IL4R: variants seen among roughly 807,000 people sequenced by gnomAD.
IL4R encodes interleukin 4 receptor, also known as interleukin-4 receptor subunit alpha.
Under a neutral mutation model 41.5 loss-of-function variants are expected in IL4R, and 17 were observed. The observed-to-expected ratio is 0.41, with a 90% CI of 0.28 to 0.61. The LOEUF is 0.61. Ranked by LOEUF, IL4R falls within the 20% of genes least tolerant of loss-of-function variation. The pLI is 0.31. For missense variants in IL4R, 974 were observed against 1,043.1 expected (o/e 0.93, Z 0.91); for synonymous variants, 402 against 422.9 (o/e 0.95, Z 0.61).
At chr16:27,313,808 G>C (rs2084538969), upstream of IL4R, 4 of 626,198 alleles carry the variant, frequency 6.4e-6, no homozygotes, top group Admixed American at 6.3e-5. Context: ...GACAGCGACA[G>C]GGGCGCGAGG....
chr16:27,358,931 G>C lies in IL4R; in HGVS notation c.786G>C (p.Trp262Cys), dbSNP rs922535624. The change falls in exon 9 of 11, where the codon TGG becomes TGC. Residue 262 changes from tryptophan to cysteine, a missense_variant. This residue lies in a region of IL4R where 8 missense variants were observed against 25.4 expected (regional missense o/e 0.32). Coordinates refer to ENST00000395762, the MANE Select transcript of IL4R (RefSeq NM_000418.4). ...TGTTTTTCAGGATTAAGAAAGAATG[G>C]TGGGATCAGATTCCCAACCCAGCCC... ...YVSITKIKKEWWDQIPNPARS... is the reference protein window; with the variant it reads ...YVSITKIKKECWDQIPNPARS... 5.6e-6 allele frequency: 9 copies of C among 1,613,606 alleles called. No individual in the cohort carries two copies. The highest frequency in any genetic ancestry group is 7.6e-6 in the Non-Finnish European group (9 of 1,179,618).
At chr16:27,313,818 G>C (rs2084539421), upstream of IL4R, 3 of 720,920 alleles carry the variant, frequency 4.2e-6, no homozygotes, top group South Asian at 1.8e-4. Flanking sequence ...GGGGCGCGAG[G>C]TGGCCGGGAC....
At chr16:27,314,271 A>G (rs2084560471) in intron 1 of IL4R, 2 of 300,194 alleles carry the variant, frequency 6.7e-6, no homozygotes, top group Non-Finnish European at 9.8e-6. Flanking sequence ...CGGTGCTGGC[A>G]GTGAGACCTC....
chr16:27,350,523 C>T (rs1426992736), intron 6 of IL4R, among the ~76,000 whole-genome samples: 1 of 151,954 alleles, frequency 6.6e-6, no homozygotes, highest in Non-Finnish European at 1.5e-5. Context: ...CAACCACAAG[C>T]AGAAATGGAG....
intron 5 of IL4R, 146 bp from the exon 6 acceptor site, chr16:27,346,321 G>T (rs777505049): frequency 1.5e-6 from 1 of 646,822 alleles, no homozygotes. Context: ...CTATGGCTCT[G>T]AATCTGTGTG....
chr16:27,316,375 AAAC>A (rs1159971714), intron 1 of IL4R, among the ~76,000 whole-genome samples: 1 of 152,100 alleles, frequency 6.6e-6, no homozygotes. Context: ...GTCTCAAAAT[AAAC>A]AAATACATAA....
intron 2 of IL4R, among the ~76,000 whole-genome samples, chr16:27,337,543 C>A (rs963677012): frequency 6.6e-6 from 1 of 151,912 alleles, no homozygotes; most frequent in African/African-American, 2.4e-5. Context: ...GGGAATATAA[C>A]CCAGCGCGTG....
At chr16:27,314,836 C>G (rs935741131) in intron 1 of IL4R, among the ~76,000 whole-genome samples, 1 of 152,186 alleles carries the variant, frequency 6.6e-6, no homozygotes, top group Non-Finnish European at 1.5e-5. Flanking sequence ...ACCCAGGAAT[C>G]TGATCTTTAT....
At chr16:27,349,296 C>G (rs973247703) in intron 6 of IL4R, among the ~76,000 whole-genome samples, 1 of 152,202 alleles carries the variant, frequency 6.6e-6, no homozygotes, top group Non-Finnish European at 1.5e-5. Flanking sequence ...CCTGCATCTG[C>G]CACAGCACTA....
In IL4R at chr16:27,362,528, G is replaced by T. The variant is rs766265918; in HGVS notation, c.1176G>T (p.Arg392Ser). Residue 392 changes from arginine to serine, a missense_variant, in exon 11 of 11, where the codon AGG becomes AGT. Around this residue, in one of 3 missense-constraint regions of IL4R, gnomAD observed 682 missense variants for 704.3 expected, o/e 0.97. Transcript: ENST00000395762. ...GSFCASPESS[R>S]DDFQEGREGI... ...TCTGTGCATCGCCTGAGAGCAGCAG[G>T]GATGACTTCCAGGAGGGAAGGGAGG... 1.2e-6 allele frequency: 2 copies of T among 1,614,154 alleles called. No individual in the cohort carries two copies.
At chr16:27,330,359 C>G (rs2141091660) in intron 2 of IL4R, among the ~76,000 whole-genome samples, 161 bp downstream of exon 2, 1 of 150,090 alleles carries the variant, frequency 6.7e-6, no homozygotes, top group Non-Finnish European at 1.5e-5. Flanking sequence ...TGCACTCCAG[C>G]CTGGGCAACA....
intron 1 of IL4R, among the ~76,000 whole-genome samples, chr16:27,323,427 A>C (rs1326555214): frequency 1.3e-5 from 2 of 152,170 alleles, no homozygotes. Flanking sequence ...AGTGGTGTAT[A>C]AAAAAGCAAG....
At chr16:27,334,104 G>C (rs577418292) in intron 2 of IL4R, among the ~76,000 whole-genome samples, 1 of 151,924 alleles carries the variant, frequency 6.6e-6, no homozygotes, top group Non-Finnish European at 1.5e-5. Context: ...GGATGGTCTC[G>C]ATCTCCTGAC....
In IL4R at chr16:27,364,020, T is replaced by C. The variant is rs1432188524; in HGVS notation, c.*190T>C. On this transcript the variant is annotated 3_prime_UTR_variant, in exon 11 of 11. Transcript: ENST00000395762. ...TGCAGAGACTGGACCCCGCCCAGCA[T>C]TGGGCTGGGCTCGCCACATCCCATG... 6 of 654,730 alleles carry C rather than the reference T, an allele frequency of 9.2e-6. No individual in the cohort carries two copies. Among genetic ancestry groups the C allele is most frequent in the East Asian group, 2.7e-5 (1 of 36,600 alleles). 40.6% of individuals were successfully genotyped at this position (654,730 alleles called of 1,614,324 possible).
At chr16:27,322,197 G>A (rs1004465344) in intron 1 of IL4R, among the ~76,000 whole-genome samples, 2 of 151,434 alleles carry the variant, frequency 1.3e-5, no homozygotes, top group Non-Finnish European at 2.9e-5. Flanking sequence ...GAGTCTGTCA[G>A]TTTTTTGCTT....
intron 2 of IL4R, among the ~76,000 whole-genome samples, chr16:27,338,824 C>T (rs2085344494): frequency 6.6e-6 from 1 of 151,978 alleles, no homozygotes; most frequent in South Asian, 2.1e-4. Flanking sequence ...TCCCAGTCTC[C>T]AGAACTATGC....
rs1348503829 is a variant in IL4R at position 27,363,811 on chromosome 16, C to A, written c.2459C>A (p.Thr820Lys). ...KIVNFVSVGP[T>K]YMRVS The stretch of plus-strand genomic sequence containing the variant: ...GTGAACTTTGTCTCCGTGGGACCCA[C>A]ATACATGAGGGTCTCTTAGGTGCAT... Residue 820 changes from threonine (T) to lysine (K), a missense_variant, in exon 11 of 11, where the codon ACA becomes AAA. This residue lies in a region of IL4R where 682 missense variants were observed against 704.3 expected (regional missense o/e 0.97). Coordinates refer to ENST00000395762, the MANE Select transcript of IL4R (RefSeq NM_000418.4). 1 of 1,604,498 alleles carries A rather than the reference C, an allele frequency of 6.2e-7. No individual in the cohort carries two copies. Among genetic ancestry groups the A allele is most frequent in the East Asian group, 2.2e-5 (1 of 44,890 alleles).
intron 1 of IL4R, among the ~76,000 whole-genome samples, chr16:27,319,724 G>A (rs1239786118): frequency 6.6e-6 from 1 of 152,146 alleles, no homozygotes; most frequent in Non-Finnish European, 1.5e-5. Context: ...AGTGAGCGAA[G>A]TTTTATCTGT....
chr16:27,325,897 C>T (rs974548694), intron 1 of IL4R, among the ~76,000 whole-genome samples: 6 of 152,248 alleles, frequency 3.9e-5, no homozygotes, highest in East Asian at 3.9e-4. Flanking sequence ...GCTTGTCACA[C>T]GGGCTACCCC....
Sources: allele counts gnomAD v4.1 joint callset (sites outside exome capture counted in the v4.1 genomes callset), GRCh38; gene constraint gnomAD v4.1.1; regional missense constraint gnomAD v4.1.1; transcripts MANE v1.5; gene names NCBI Gene and HGNC (gene_info 2026-07-23, HGNC 2026-07-21).